ABHD12B: variants seen among roughly 807,000 people sequenced by gnomAD.
ABHD12B encodes abhydrolase domain containing 12B, also known as protein ABHD12B.
In ABHD12B, 42 loss-of-function variants were observed where a neutral mutation model predicts 50.4. The ratio of observed to expected loss-of-function variants is 0.83; its 90% CI spans 0.65 to 1.08. The LOEUF is 1.08. Ranked by LOEUF, ABHD12B falls within the 50% of genes least tolerant of loss-of-function variation. ABHD12B has a pLI of 0.00. For synonymous variants in ABHD12B, 167 were observed against 160.3 expected (o/e 1.04, Z -0.32); for missense variants, 479 against 447.7 (o/e 1.07, Z -0.63).
intron 5 of ABHD12B, among the ~76,000 whole-genome samples, chr14:50,882,616 G>A (rs8005874): frequency 0.89 from 135,193 of 151,652 alleles, 60,546 homozygotes; most frequent in Middle Eastern, 0.98. Flanking sequence ...TCCTGACCTC[G>A]TGATCCGCCT....
chr14:50,901,787 C>G (rs890289862), intron 9 of ABHD12B, 42 bp from the exon 10 acceptor site: 2 of 1,334,192 alleles, frequency 1.5e-6, no homozygotes, highest in Non-Finnish European at 2.1e-6. Context: ...GATGGCATAG[C>G]TATGGGGCAA....
At chr14:50,896,937 A>G (rs898191893) in intron 9 of ABHD12B, among the ~76,000 whole-genome samples, 2 of 152,162 alleles carry the variant, frequency 1.3e-5, no homozygotes, top group African/African-American at 4.8e-5. Flanking sequence ...CAGTTACTCA[A>G]AGAGGATTAT....
intron 1 of ABHD12B, among the ~76,000 whole-genome samples, chr14:50,873,745 A>G (rs2049819897): frequency 6.6e-6 from 1 of 152,224 alleles, no homozygotes; most frequent in Non-Finnish European, 1.5e-5. Flanking sequence ...TCTCTGTGGA[A>G]TTGATGGCTG....
Position 50,872,250 on chromosome 14 carries a change from T to C in ABHD12B, c.76T>C (p.Trp26Arg). ...CCCAGCCCGTAGCTGCGTGGCCGCC[T>C]GGTGGGACATGGTCGACCGCAACCT... is the stretch of plus-strand genomic sequence containing the variant. ...GPPARSCVAA[W>R]WDMVDRNLRY... The change falls in exon 1 of 13, where the codon TGG becomes CGG. Residue 26 changes from tryptophan to arginine, a missense_variant. Coordinates refer to ENST00000337334, the MANE Select transcript of ABHD12B (RefSeq NM_001206673.2). 1 of 1,387,772 alleles carries C rather than the reference T, an allele frequency of 7.2e-7. No homozygotes were observed. The highest frequency in any genetic ancestry group is 9.4e-7 in the Non-Finnish European group (1 of 1,068,466). 86.0% of individuals were successfully genotyped at this position (1,387,772 alleles called of 1,614,324 possible).
At chr14:50,895,364 T>G (rs1378192931) in intron 9 of ABHD12B, among the ~76,000 whole-genome samples, 3 of 151,972 alleles carry the variant, frequency 2.0e-5, no homozygotes, top group African/African-American at 7.3e-5. Context: ...CAGCCACATC[T>G]CCAGCACACA....
intron 9 of ABHD12B, chr14:50,892,524 G>C: frequency 1.0e-6 from 1 of 985,432 alleles, no homozygotes; most frequent in Non-Finnish European, 1.2e-6. Flanking sequence ...GATGGCTTCT[G>C]TCATCTAAGA....
chr14:50,891,437 G>A (rs2050118641), intron 9 of ABHD12B: 1 of 152,198 alleles, frequency 6.6e-6, no homozygotes, highest in African/African-American at 2.4e-5. Flanking sequence ...TAGAGACGGG[G>A]TTTCACCGTG....
At chr14:50,892,642 T>C (rs1237633516) in intron 9 of ABHD12B, 1 of 959,808 alleles carries the variant, frequency 1.0e-6, no homozygotes. Context: ...TCTATATTTT[T>C]AATTTCTGGT....
intron 3 of ABHD12B, among the ~76,000 whole-genome samples, chr14:50,880,044 A>G (rs2049917695): frequency 6.6e-6 from 1 of 152,226 alleles, no homozygotes; most frequent in Non-Finnish European, 1.5e-5. Context: ...TCTCTTACAT[A>G]AACTGGTTTC....
intron 9 of ABHD12B, among the ~76,000 whole-genome samples, 156 bp from the exon 10 acceptor site, chr14:50,901,673 G>A (rs1041850946): frequency 6.6e-6 from 1 of 152,072 alleles, no homozygotes; most frequent in Non-Finnish European, 1.5e-5. Flanking sequence ...AATTCCCGAC[G>A]TGCATTACTT....
intron 5 of ABHD12B, among the ~76,000 whole-genome samples, chr14:50,883,957 T>C (rs7140224): frequency 0.99 from 150,881 of 152,346 alleles, 74,729 homozygotes; most frequent in Middle Eastern, 1. Flanking sequence ...GTTACTATGA[T>C]TGTATCTATA....
intron 9 of ABHD12B, chr14:50,892,328 A>G (rs763433616): frequency 3.6e-5 from 29 of 812,312 alleles, no homozygotes; most frequent in Non-Finnish European, 4.3e-5. Context: ...AAAATCCAAA[A>G]GGGAATGAGG....
intron 5 of ABHD12B, among the ~76,000 whole-genome samples, chr14:50,881,890 T>G (rs557642834): frequency 3.7e-4 from 57 of 152,252 alleles, no homozygotes; most frequent in African/African-American, 1.2e-3. Context: ...ACATTTTTAT[T>G]TGCTTTCTCT....
At chr14:50,890,500 C>A (rs1260766290) in intron 9 of ABHD12B, among the ~76,000 whole-genome samples, 1 of 152,100 alleles carries the variant, frequency 6.6e-6, no homozygotes, top group Admixed American at 6.5e-5. Context: ...TATAGAGTTA[C>A]CACCTGTACA....
intron 5 of ABHD12B, among the ~76,000 whole-genome samples, chr14:50,885,232 C>T (rs1476665151): frequency 2.0e-5 from 3 of 152,168 alleles, no homozygotes; most frequent in Admixed American, 6.5e-5. Context: ...TTCAAAAATA[C>T]ATCTTTCCCC....
intron 1 of ABHD12B, 131 bp from the exon 2 acceptor site, chr14:50,877,821 C>T: frequency 1.1e-6 from 1 of 893,854 alleles, no homozygotes; most frequent in African/African-American, 1.8e-5. Flanking sequence ...GAGCTGAGAA[C>T]ATGCCATTGC....
chr14:50,872,114 G>GGGC lies in ABHD12B; in HGVS notation c.-57_-55dup. On this transcript the variant is annotated 5_prime_UTR_variant, in exon 1 of 13. Coordinates refer to ENST00000337334, the MANE Select transcript of ABHD12B (RefSeq NM_001206673.2). ...GGTGCCGCCGGGGCGGGAAGGTCGCGGGCGGCTGCTCCGGACTGCAGCTCC... is the reference window on the plus strand; with the variant it reads ...GGTGCCGCCGGGGCGGGAAGGTCGCGGGCGGCGGCTGCTCCGGACTGCAGCTCC... 2 of 1,165,836 alleles carry GGGC rather than the reference G, an allele frequency of 1.7e-6. No homozygotes were observed. The highest frequency in any genetic ancestry group is 2.1e-6 in the Non-Finnish European group (2 of 934,638). 72.2% of individuals were successfully genotyped at this position (1,165,836 alleles called of 1,614,324 possible). A position where few individuals can be genotyped will look rare whatever the true frequency, so the allele number is the denominator to read the frequency against.
chr14:50,888,803 C>T (rs143421414), intron 8 of ABHD12B, 21 bp from the exon 9 acceptor site: 1 of 1,596,920 alleles, frequency 6.3e-7, no homozygotes, highest in South Asian at 1.1e-5. Flanking sequence ...TGATTTCTTT[C>T]TTTCTTTCTT....
chr14:50,888,061 G>A (rs1469264561), intron 8 of ABHD12B, among the ~76,000 whole-genome samples: 1 of 152,120 alleles, frequency 6.6e-6, no homozygotes, highest in Admixed American at 6.5e-5. Flanking sequence ...AAACATATAT[G>A]TATACATACC....
Sources: allele counts gnomAD v4.1 joint callset (sites outside exome capture counted in the v4.1 genomes callset), GRCh38; gene constraint gnomAD v4.1.1; transcripts MANE v1.5; gene names NCBI Gene and HGNC (gene_info 2026-07-23, HGNC 2026-07-21).